Variants in B3GALT1 observed in about 807,000 individuals in gnomAD.
B3GALT1 encodes beta-1,3-galactosyltransferase 1.
A neutral mutation model predicts 23.2 loss-of-function variants in B3GALT1; 10 were observed. That is an observed-to-expected ratio of 0.43 (90% CI 0.27 to 0.73). The LOEUF (loss-of-function observed/expected upper bound fraction) is 0.73, where lower values mean the gene tolerates loss of function less well. B3GALT1 is among the 30% of genes least tolerant of loss of function. The pLI, the probability that B3GALT1 is intolerant of heterozygous loss-of-function variation, is 0.21. For missense variants in B3GALT1, 299 were observed against 405.4 expected (o/e 0.74, Z 2.25); for synonymous variants, 156 against 141.5 (o/e 1.10, Z -0.73).
intron 3 of B3GALT1, among the ~76,000 whole-genome samples, chr2:167,781,058 C>A (rs1688236942): frequency 6.6e-6 from 1 of 152,134 alleles, no homozygotes. Context: ...TGGAGCCCAC[C>A]TAGTCCAGCA....
intron 3 of B3GALT1, among the ~76,000 whole-genome samples, chr2:167,739,666 A>G (rs1245882311): frequency 1.3e-5 from 2 of 152,038 alleles, no homozygotes; most frequent in African/African-American, 4.8e-5. Flanking sequence ...ATCAGCTTTC[A>G]TATCACTGGA....
intron 2 of B3GALT1, among the ~76,000 whole-genome samples, chr2:167,640,397 G>GT (rs1254032666): frequency 1.3e-5 from 2 of 151,780 alleles, no homozygotes; most frequent in Admixed American, 6.6e-5. Context: ...GGTTACATAT[G>GT]TTTTTTCTTC....
chr2:167,822,519 A>G (rs1249208973), intron 4 of B3GALT1, among the ~76,000 whole-genome samples: 1 of 152,180 alleles, frequency 6.6e-6, no homozygotes, highest in Non-Finnish European at 1.5e-5. Context: ...TTGTTATTTA[A>G]TTACTTAAAG....
chr2:167,702,620 A>G lies in B3GALT1; in HGVS notation c.-352+55654A>G, dbSNP rs545819860. 2.6e-5 allele frequency among the ~76,000 whole-genome samples: 4 copies of G among 152,358 alleles called. No homozygotes were observed. In the South Asian group the frequency reaches 6.2e-4, roughly 24 times the overall value. On this transcript the variant is annotated intron_variant, in intron 3 of 4. Transcript: ENST00000392690. ...TGATGATTACATGATGTGTAATTCA[A>G]TATAGCTAGAACCCTGGAAAGTGAA...
chr2:167,429,762 T>G (rs1258536427), intron 1 of B3GALT1, among the ~76,000 whole-genome samples: 1 of 152,176 alleles, frequency 6.6e-6, no homozygotes, highest in Non-Finnish European at 1.5e-5. Flanking sequence ...TTCTGAAGAA[T>G]AAAAGTACCA....
chr2:167,703,662 C>A (rs181414627), intron 3 of B3GALT1, among the ~76,000 whole-genome samples: 1 of 152,102 alleles, frequency 6.6e-6, no homozygotes, highest in Non-Finnish European at 1.5e-5. Context: ...GTCACTTTTC[C>A]GCTAAGTGAC....
chr2:167,363,215 G>A (rs1697525273), intron 1 of B3GALT1, among the ~76,000 whole-genome samples: 1 of 151,708 alleles, frequency 6.6e-6, no homozygotes, highest in Non-Finnish European at 1.5e-5. Context: ...GCACCCAGGA[G>A]CATTCAAAAA....
intron 1 of B3GALT1, among the ~76,000 whole-genome samples, chr2:167,323,747 A>G (rs1236218927): frequency 3.9e-5 from 6 of 152,234 alleles, no homozygotes; most frequent in Non-Finnish European, 2.9e-5. Context: ...TTTCATTACT[A>G]AAATAAGAAT....
intron 3 of B3GALT1, among the ~76,000 whole-genome samples, chr2:167,664,733 G>A (rs1192156546): frequency 6.6e-6 from 1 of 151,992 alleles, no homozygotes; most frequent in Admixed American, 6.6e-5. Flanking sequence ...AATTGTGAAT[G>A]GAAGTTCACT....
chr2:167,646,254 C>G (rs755246744), intron 2 of B3GALT1, among the ~76,000 whole-genome samples: 2 of 152,130 alleles, frequency 1.3e-5, no homozygotes, highest in Non-Finnish European at 2.9e-5. Context: ...AGTGAACCAG[C>G]AGGTTGGGTA....
At chr2:167,525,468 T>G (rs1683203720) in intron 2 of B3GALT1, among the ~76,000 whole-genome samples, 1 of 152,110 alleles carries the variant, frequency 6.6e-6, no homozygotes, top group South Asian at 2.1e-4. Context: ...ATAACACATT[T>G]GTATTTTCTC....
At chr2:167,512,572 A>ATG in intron 2 of B3GALT1, among the ~76,000 whole-genome samples, 1 of 94,298 alleles carries the variant, frequency 1.1e-5, no homozygotes, top group Non-Finnish European at 2.1e-5. Context: ...ATATATGTAT[A>ATG]TATATATGTA....
intron 3 of B3GALT1, among the ~76,000 whole-genome samples, chr2:167,668,956 G>C (rs1686269097): frequency 6.6e-6 from 1 of 152,138 alleles, no homozygotes; most frequent in South Asian, 2.1e-4. Context: ...TTCCTATTTG[G>C]CCATCCTATC....
chr2:167,419,122 T>C (rs1698511890), intron 1 of B3GALT1, among the ~76,000 whole-genome samples: 1 of 152,174 alleles, frequency 6.6e-6, no homozygotes, highest in African/African-American at 2.4e-5. Flanking sequence ...AAAAACAGTT[T>C]GACCATAGCT....
At chr2:167,661,683 T>C (rs186187341) in intron 3 of B3GALT1, among the ~76,000 whole-genome samples, 12 of 152,218 alleles carry the variant, frequency 7.9e-5, no homozygotes. Flanking sequence ...TGGTTGAGAA[T>C]AATTGTTCTG....
chr2:167,503,978 C>T (rs1311261832), intron 2 of B3GALT1, among the ~76,000 whole-genome samples: 1 of 152,092 alleles, frequency 6.6e-6, no homozygotes, highest in East Asian at 1.9e-4. Context: ...CCTTACTTTG[C>T]CCATCTTCAG....
At chr2:167,535,967 A>G (rs530749642) in intron 2 of B3GALT1, among the ~76,000 whole-genome samples, 1 of 152,156 alleles carries the variant, frequency 6.6e-6, no homozygotes, top group African/African-American at 2.4e-5. Context: ...TCTGTCACGC[A>G]GGCTGGAGTG....
At chr2:167,533,339 GT>G (rs34623419) in intron 2 of B3GALT1, among the ~76,000 whole-genome samples, 7,138 of 151,214 alleles carry the variant, frequency 0.047, 336 homozygotes, top group African/African-American at 0.13. Flanking sequence ...TTTTCTGAGA[GT>G]TTTTTTTTAA....
chr2:167,350,346 G>A (rs896070738), intron 1 of B3GALT1, among the ~76,000 whole-genome samples: 12 of 152,114 alleles, frequency 7.9e-5, no homozygotes, highest in East Asian at 3.8e-4. Context: ...GGAAAGGAAC[G>A]TTTAATTTCT....
Sources: allele counts gnomAD v4.1 joint callset (sites outside exome capture counted in the v4.1 genomes callset), GRCh38; gene constraint gnomAD v4.1.1; transcripts MANE v1.5; gene names NCBI Gene and HGNC (gene_info 2026-07-23, HGNC 2026-07-21).